The following TANC1 variants were observed in gnomAD, a reference collection of about 807,000 sequenced individuals.
The protein encoded by TANC1 is tetratricopeptide repeat, ankyrin repeat and coiled-coil containing 1, also known as protein TANC1.
Under a neutral mutation model 149.7 loss-of-function variants are expected in TANC1, and 77 were observed. The observed-to-expected ratio is 0.51, with a 90% CI of 0.43 to 0.62. TANC1 has a LOEUF of 0.62. Ranked by LOEUF, TANC1 falls within the 20% of genes least tolerant of loss-of-function variation. The pLI, the probability that TANC1 is intolerant of heterozygous loss-of-function variation, is 0.00. For synonymous variants in TANC1, 854 were observed against 925.0 expected (o/e 0.92, Z 1.39); for missense variants, 1,985 against 2,321.8 (o/e 0.85, Z 2.98).
In TANC1 at chr2:159,174,983, A is replaced by C; in HGVS notation, c.1534A>C (p.Asn512His). 1 of 1,614,118 alleles carries C rather than the reference A, an allele frequency of 6.2e-7. No homozygotes were observed. Among genetic ancestry groups the C allele is most frequent in the Non-Finnish European group, 8.5e-7 (1 of 1,180,016 alleles). ...GGCCTACCACTACTGCCAGGCTGAC[A>C]ACACGTACACTTGCCTGGTGCCCGA... ...VVAYHYCQAD[N>H]TYTCLVPEFV... The change falls in exon 12 of 27, where the codon AAC (asparagine) becomes CAC (histidine). Residue 512 changes from asparagine to histidine, a missense_variant. Coordinates refer to ENST00000263635, the MANE Select transcript of TANC1 (RefSeq NM_033394.3).
rs2046833342 is a variant in TANC1, at chr2:159,102,613, CG to C, written c.259+4780del. On this transcript the variant is annotated intron_variant, in intron 4 of 26. Transcript: ENST00000263635. ...CCAGCTCTTGCTTAATATTTTATCA[CG>C]AGCAATTTCCAGTTTACTTGAAGAG... is the stretch of plus-strand genomic sequence containing the variant. Among the ~76,000 whole-genome samples the C allele has an allele frequency of 2.4e-5, 3 of 127,046 alleles. No individual in the cohort carries two copies. In the South Asian group the frequency reaches 8.2e-4, roughly 35 times the overall value. The allele number at this position is 127,046 out of a possible 152,430, so 83.3% of individuals were successfully genotyped here. A position where few individuals can be genotyped will look rare whatever the true frequency, so the allele number is the denominator to read the frequency against.
At chr2:159,115,207 C>T (rs1048580137) in intron 4 of TANC1, among the ~76,000 whole-genome samples, 3 of 149,200 alleles carry the variant, frequency 2.0e-5, no homozygotes, top group South Asian at 4.3e-4. Flanking sequence ...TATGTGTGTC[C>T]GTGTGTGTGT....
chr2:159,002,036 G>T (rs1343308347), intron 2 of TANC1, among the ~76,000 whole-genome samples: 1 of 152,180 alleles, frequency 6.6e-6, no homozygotes, highest in African/African-American at 2.4e-5. Flanking sequence ...TCATGGAACT[G>T]GCAAAAAGTC....
rs2036647933 is a variant in TANC1 at position 159,001,951 on chromosome 2, G to A, written c.-16+762G>A. On this transcript the variant is annotated intron_variant, in intron 2 of 26. Coordinates refer to ENST00000263635, the MANE Select transcript of TANC1 (RefSeq NM_033394.3). The surrounding 1 kb of genome is among the most constrained non-coding windows in gnomAD (Gnocchi z 4.3). The stretch of plus-strand genomic sequence containing the variant: ...TGAAAAGAGGAGGGTTGGGGATAGA[G>A]GAGCAGCTAGACCAAAGGAATGAGA... Among the ~76,000 whole-genome samples, 1 of 152,202 alleles carries A rather than the reference G, an allele frequency of 6.6e-6. No homozygotes were observed. The highest frequency in any genetic ancestry group is 2.1e-4 in the South Asian group (1 of 4,824).
chr2:159,025,529 G>T (rs1037960824), intron 2 of TANC1, among the ~76,000 whole-genome samples: 1 of 151,936 alleles, frequency 6.6e-6, no homozygotes, highest in Non-Finnish European at 1.5e-5. Flanking sequence ...AAAGATCCCC[G>T]ATGACATTAA....
intron 4 of TANC1, among the ~76,000 whole-genome samples, chr2:159,107,306 C>T (rs545446351): frequency 5.2e-4 from 79 of 152,336 alleles, no homozygotes; most frequent in African/African-American, 1.8e-3. Context: ...GGATTACAGG[C>T]GTGAGCCACC....
At chr2:159,121,373 G>T (rs762702970) in intron 4 of TANC1, among the ~76,000 whole-genome samples, 1 of 152,154 alleles carries the variant, frequency 6.6e-6, no homozygotes, top group Non-Finnish European at 1.5e-5. Context: ...CACCCTTATC[G>T]CCCAGGCTGG....
chr2:159,126,165 G>A (rs145356505), intron 4 of TANC1, among the ~76,000 whole-genome samples: 1 of 152,096 alleles, frequency 6.6e-6, no homozygotes, highest in South Asian at 2.1e-4. Flanking sequence ...CTACATGGTC[G>A]TACCCAGATT....
chr2:159,090,753 G>A (rs1330417809), intron 3 of TANC1, among the ~76,000 whole-genome samples: 2 of 152,254 alleles, frequency 1.3e-5, no homozygotes, highest in Admixed American at 1.3e-4. Flanking sequence ...AATGACCGGA[G>A]CCAGCGCCAC....
At chr2:159,167,179 G>C (rs911630237) in intron 8 of TANC1, among the ~76,000 whole-genome samples, 6 of 152,160 alleles carry the variant, frequency 3.9e-5, no homozygotes, top group Admixed American at 2.0e-4. Flanking sequence ...ATTCTCTAGG[G>C]CTGCAGCATT....
intron 4 of TANC1, among the ~76,000 whole-genome samples, chr2:159,122,086 C>G (rs781609236): frequency 6.6e-6 from 1 of 152,198 alleles, no homozygotes; most frequent in Admixed American, 6.5e-5. Context: ...TACAGGCACA[C>G]GCCACCACAC....
At chr2:159,060,928 A>G (rs2042191735) in intron 2 of TANC1, among the ~76,000 whole-genome samples, 1 of 152,226 alleles carries the variant, frequency 6.6e-6, no homozygotes, top group South Asian at 2.1e-4. Context: ...CCAACACAAC[A>G]TGCTGTGCAG....
intron 6 of TANC1, chr2:159,150,087 CTCACTAAATTA>C (rs974846222): frequency 3.3e-5 from 10 of 302,460 alleles, no homozygotes; most frequent in Non-Finnish European, 6.1e-5. Flanking sequence ...AATGTGCATC[CTCACTAAATTA>C]TTGCTAAGAC....
chr2:159,145,195 T>C (rs2051922651), intron 5 of TANC1, among the ~76,000 whole-genome samples: 1 of 152,166 alleles, frequency 6.6e-6, no homozygotes, highest in African/African-American at 2.4e-5. Flanking sequence ...AGGGGGTTTG[T>C]TGTCATGGAA....
At chr2:159,075,780 G>A (rs2043613356) in intron 3 of TANC1, among the ~76,000 whole-genome samples, 1 of 151,932 alleles carries the variant, frequency 6.6e-6, no homozygotes. Context: ...AAAACCGTCT[G>A]GAAAATACAT....
chr2:159,048,640 G>A (rs951122084), intron 2 of TANC1, among the ~76,000 whole-genome samples: 1 of 152,164 alleles, frequency 6.6e-6, no homozygotes, highest in African/African-American at 2.4e-5. Flanking sequence ...GATCATTCTT[G>A]CACAGGCAGA....
In TANC1 at chr2:158,990,141, TCCTGACCTCGTGATCTGCCCG is replaced by T. The variant is rs538219531; in HGVS notation, c.-125-10914_-125-10894del. Reference sequence around the variant, plus strand: ...TATGTTGGCCAGGCTGGTCTTGCACTCCTGACCTCGTGATCTGCCCGCCTGACCTCGTGATCTGCCCGCCTC... The same window carrying T: ...TATGTTGGCCAGGCTGGTCTTGCACTCCTGACCTCGTGATCTGCCCGCCTC... On this transcript the variant is annotated intron_variant, in intron 1 of 26. Coordinates refer to ENST00000263635, the MANE Select transcript of TANC1 (RefSeq NM_033394.3). 4.3e-4 allele frequency among the ~76,000 whole-genome samples: 66 copies of T among 152,178 alleles called. 1 individual carries two copies. Among genetic ancestry groups the T allele is most frequent in the South Asian group, 1.9e-3 (9 of 4,824 alleles).
At chr2:159,052,296 T>G (rs751592613) in intron 2 of TANC1, among the ~76,000 whole-genome samples, 30 of 152,300 alleles carry the variant, frequency 2.0e-4, no homozygotes, top group Middle Eastern at 3.4e-3. Context: ...TTTTTGTAGA[T>G]AGTAATTTGG....
chr2:159,131,012 T>C (rs1009367047), intron 4 of TANC1, among the ~76,000 whole-genome samples: 1 of 120,822 alleles, frequency 8.3e-6, no homozygotes, highest in African/African-American at 3.0e-5. Flanking sequence ...GGGATCTACC[T>C]TTCTTGGGGT....
Sources: gnomAD v4.1 joint callset for allele counts (sites outside exome capture counted in the v4.1 genomes callset) on GRCh38, gnomAD v4.1.1 for gene constraint, Gnocchi (gnomAD v3.1) non-coding constraint, MANE v1.5 for transcripts, NCBI Gene and HGNC (gene_info 2026-07-23, HGNC 2026-07-21) for gene names.